The following NDUFA10 variants were observed in gnomAD, a reference collection of about 807,000 sequenced individuals.
NDUFA10 encodes the protein NADH:ubiquinone oxidoreductase subunit A10, also known as NADH dehydrogenase [ubiquinone] 1 alpha subcomplex subunit 10, mitochondrial.
NDUFA10 carries 40 observed loss-of-function variants against 47.8 expected under a neutral mutation model. That is an observed-to-expected ratio of 0.84 (90% CI 0.65 to 1.09). NDUFA10 has a LOEUF of 1.09. NDUFA10 is among the 50% of genes least tolerant of loss of function. NDUFA10 has a pLI of 0.00. For synonymous variants in NDUFA10, 183 were observed against 172.2 expected (o/e 1.06, Z -0.49); for missense variants, 413 against 451.1 (o/e 0.92, Z 0.76).
intron 4 of NDUFA10, among the ~76,000 whole-genome samples, chr2:239,949,056 C>T (rs1694504848): frequency 6.6e-6 from 1 of 152,212 alleles, no homozygotes; most frequent in Non-Finnish European, 1.5e-5. Context: ...ATTGCTTTAA[C>T]CCCACGAATG....
intron 4 of NDUFA10, among the ~76,000 whole-genome samples, chr2:239,924,885 T>TA (rs1339130612): frequency 1.3e-5 from 2 of 152,084 alleles, no homozygotes; most frequent in African/African-American, 4.8e-5. Context: ...ACAACACACG[T>TA]AAAAATTATT....
chr2:239,972,260 T>C (rs755842695), intron 9 of NDUFA10, among the ~76,000 whole-genome samples: 4 of 152,102 alleles, frequency 2.6e-5, no homozygotes, highest in Non-Finnish European at 5.9e-5. Context: ...CTTTATTGTA[T>C]TACTGTAAAT....
chr2:239,934,601 T>A (rs1307441359), intron 4 of NDUFA10, among the ~76,000 whole-genome samples: 1 of 152,190 alleles, frequency 6.6e-6, no homozygotes, highest in African/African-American at 2.4e-5. Context: ...ATCCCTGTTT[T>A]GTACTGGGAG....
chr2:239,895,873 G>A (rs1693385578), intron 4 of NDUFA10, among the ~76,000 whole-genome samples: 1 of 152,206 alleles, frequency 6.6e-6, no homozygotes, highest in African/African-American at 2.4e-5. Flanking sequence ...CAGCTTACTG[G>A]TGAAAATGGA....
intron 8 of NDUFA10, among the ~76,000 whole-genome samples, chr2:240,003,003 C>G (rs572438920): frequency 4.6e-5 from 7 of 152,090 alleles, no homozygotes; most frequent in African/African-American, 1.7e-4. Context: ...GCATGCACCA[C>G]CATACCCAGA....
chr2:239,965,886 G>C (rs6760306), intron 9 of NDUFA10, among the ~76,000 whole-genome samples: 1 of 152,094 alleles, frequency 6.6e-6, no homozygotes, highest in Non-Finnish European at 1.5e-5. Flanking sequence ...AGTTTCCCTC[G>C]CTGGATCTCT....
chr2:239,955,857 C>A (rs1401233624), downstream of NDUFA10, among the ~76,000 whole-genome samples: 2 of 152,184 alleles, frequency 1.3e-5, no homozygotes, highest in African/African-American at 2.4e-5. Context: ...TCAGCAGATG[C>A]AACCTCAACT....
chr2:239,984,577 T>A (rs1200423034), intron 9 of NDUFA10, among the ~76,000 whole-genome samples: 1 of 152,174 alleles, frequency 6.6e-6, no homozygotes, highest in African/African-American at 2.4e-5. Context: ...CAAAACCACA[T>A]AAAACACAGT....
At chr2:240,009,871 A>G (rs1372780051) in intron 6 of NDUFA10, among the ~76,000 whole-genome samples, 2 of 152,270 alleles carry the variant, frequency 1.3e-5, no homozygotes, top group African/African-American at 2.4e-5. Context: ...GTATTTAACT[A>G]AACAATGGTT....
intron 4 of NDUFA10, among the ~76,000 whole-genome samples, chr2:239,935,267 C>A (rs911395509): frequency 6.6e-6 from 1 of 152,208 alleles, no homozygotes; most frequent in African/African-American, 2.4e-5. Context: ...AAAGTAAGAG[C>A]CAACCCAAAG....
At position 239,959,193 on chromosome 2, in the gene NDUFA10, G is replaced by GAC; in HGVS notation, c.*1923_*1924dup. 1.0e-6 allele frequency: 1 copy of GAC among 982,364 alleles called. No individual in the cohort carries two copies. Among genetic ancestry groups the GAC allele is most frequent in the Non-Finnish European group, 1.2e-6 (1 of 828,282 alleles). 60.9% of individuals were successfully genotyped at this position (982,364 alleles called of 1,614,324 possible). A position where few individuals can be genotyped will look rare whatever the true frequency, so the allele number is the denominator to read the frequency against. On this transcript the variant is annotated 3_prime_UTR_variant, in exon 10 of 10. Coordinates refer to ENST00000252711, the MANE Select transcript of NDUFA10 (RefSeq NM_004544.4). ...AAGGGAATGCAACCACACAGGGTCA[G>GAC]ACGCAAACACAGGGGATGATCAGAG...
intron 9 of NDUFA10, among the ~76,000 whole-genome samples, chr2:239,989,218 CAAA>C (rs1696147802): frequency 6.6e-6 from 1 of 152,152 alleles, no homozygotes; most frequent in African/African-American, 2.4e-5. Context: ...CAAAACAATC[CAAA>C]AAATTTACTT....
At position 239,899,466 on chromosome 2, in the gene NDUFA10, C is replaced by A. The variant is rs76780563; in HGVS notation, c.295-4152G>T. Among the ~76,000 whole-genome samples, 41 of 75,736 alleles carry A rather than the reference C, an allele frequency of 5.4e-4. 4 individuals are homozygous for A. The highest frequency in any genetic ancestry group is 2.1e-3 in the South Asian group (3 of 1,458). The allele number at this position is 75,736 out of a possible 152,430, so 49.7% of individuals were successfully genotyped here. On this transcript the variant is annotated intron_variant, in intron 4 of 5. Coordinates refer to the NDUFA10 transcript ENST00000419408. ...GGAGGGTTGTGATGGAGGGGTGTGA[C>A]GGAGGGGTGTGATGGAGAGGTGTGA...
At chr2:239,968,311 C>T (rs755166379) in intron 9 of NDUFA10, among the ~76,000 whole-genome samples, 9 of 152,230 alleles carry the variant, frequency 5.9e-5, no homozygotes, top group Non-Finnish European at 1.2e-4. Context: ...GCGCAGAGCA[C>T]GGCCTCCGCT....
chr2:239,992,504 G>A (rs966451396), intron 8 of NDUFA10, among the ~76,000 whole-genome samples: 2 of 152,110 alleles, frequency 1.3e-5, no homozygotes, highest in African/African-American at 4.8e-5. Context: ...CTGTACTTCT[G>A]AAACCAAACT....
At chr2:240,014,585 C>T in intron 5 of NDUFA10, 154 bp downstream of exon 5, 1 of 1,261,886 alleles carries the variant, frequency 7.9e-7, no homozygotes, top group Non-Finnish European at 1.1e-6. Flanking sequence ...CCCTCCACCC[C>T]TGCAGATGCC....
At chr2:239,976,960 G>A (rs188844832) in intron 9 of NDUFA10, among the ~76,000 whole-genome samples, 15 of 152,200 alleles carry the variant, frequency 9.9e-5, no homozygotes, top group African/African-American at 3.4e-4. Context: ...TTACACAAGG[G>A]CAAGCAAAGC....
intron 9 of NDUFA10, among the ~76,000 whole-genome samples, 170 bp from the exon 10 acceptor site, chr2:239,961,356 G>C (rs1049764760): frequency 6.6e-6 from 1 of 152,240 alleles, no homozygotes. Context: ...GGATGCCACA[G>C]GTACACAAAC....
Position 239,948,428 on chromosome 2 carries a change from G to A in NDUFA10, c.294+41646C>T, listed in dbSNP as rs531225146. Among the ~76,000 whole-genome samples, 13 of 152,352 alleles carry A rather than the reference G, an allele frequency of 8.5e-5. 1 individual carries two copies. Among genetic ancestry groups the A allele is most frequent in the South Asian group, 6.2e-4 (3 of 4,832 alleles). On this transcript the variant is annotated intron_variant, in intron 4 of 5. Coordinates refer to the NDUFA10 transcript ENST00000419408. ...CCACAGCCTCCGCTCCATGAGTGGCGACGGAAAAGTAACAGGCGTTCAAAA... is the reference window on the plus strand; with the variant it reads ...CCACAGCCTCCGCTCCATGAGTGGCAACGGAAAAGTAACAGGCGTTCAAAA...
Sources: allele counts gnomAD v4.1 joint callset (sites outside exome capture counted in the v4.1 genomes callset), GRCh38; gene constraint gnomAD v4.1.1; transcripts MANE v1.5; gene names NCBI Gene and HGNC (gene_info 2026-07-23, HGNC 2026-07-21).